The following NCOA1 variants were observed in gnomAD, a reference collection of about 807,000 sequenced individuals.
NCOA1 encodes Hin-2 protein.
In NCOA1, 35 loss-of-function variants were observed where a neutral mutation model predicts 150.9. The ratio of observed to expected loss-of-function variants is 0.23; its 90% confidence interval spans 0.18 to 0.31. The LOEUF (loss-of-function observed/expected upper bound fraction) is 0.31. NCOA1 is among the 10% of genes least tolerant of loss of function. The pLI is 1.00. For synonymous variants in NCOA1, 590 were observed against 630.0 expected (o/e 0.94, Z 0.95); for missense variants, 1,491 against 1,749.3 (o/e 0.85, Z 2.63).
chr2:24,570,346 T>C (rs1450757540), intron 2 of NCOA1, among the ~76,000 whole-genome samples: 5 of 152,210 alleles, frequency 3.3e-5, no homozygotes, highest in Non-Finnish European at 7.3e-5. Context: ...AGGTGCTTAA[T>C]TGAATGGGCT....
intron 14 of NCOA1, among the ~76,000 whole-genome samples, chr2:24,722,449 C>T (rs1674400801): frequency 6.6e-6 from 1 of 152,082 alleles, no homozygotes; most frequent in Non-Finnish European, 1.5e-5. Flanking sequence ...TTGAAAATTT[C>T]CAGTCATGTG....
chr2:24,739,388 G>T (rs766301830), intron 17 of NCOA1, 44 bp from the exon 18 acceptor site: 24 of 1,376,240 alleles, frequency 1.7e-5, no homozygotes, highest in Non-Finnish European at 2.2e-5. Context: ...CCCGTGTTAT[G>T]CTTGTGTGTA....
chr2:24,637,909 T>G (rs1225466076), intron 3 of NCOA1, among the ~76,000 whole-genome samples: 2 of 152,138 alleles, frequency 1.3e-5, no homozygotes, highest in Non-Finnish European at 2.9e-5. Context: ...TTGGTCAGGC[T>G]GGTCTTGAAC....
At position 24,706,907 on chromosome 2, in the gene NCOA1, A is replaced by G. The variant is rs767139900; in HGVS notation, c.1437A>G (p.Thr479=). Residue 479 remains threonine, a synonymous_variant, in exon 13 of 23, where the codon ACA becomes ACG. Transcript: ENST00000348332. ...LNLNNSPMEG[T]GISLAQFMSP... ...TCAATAATTCTCCTATGGAAGGTAC[A>G]GGAATATCCCTAGCACAGTTCATGT... 8 of 1,614,222 alleles carry G rather than the reference A, an allele frequency of 5.0e-6. No homozygotes were observed. The South Asian group carries it at 5.5e-5, about 11-fold the overall frequency.
chr2:24,522,003 C>T (rs1664435735), intron 1 of NCOA1, among the ~76,000 whole-genome samples: 1 of 152,142 alleles, frequency 6.6e-6, no homozygotes, highest in Admixed American at 6.5e-5. Flanking sequence ...CCCCGCCCCC[C>T]ATACATAGTA....
chr2:24,639,722 A>T (rs1670092523), intron 3 of NCOA1, among the ~76,000 whole-genome samples: 1 of 151,362 alleles, frequency 6.6e-6, no homozygotes, highest in Non-Finnish European at 1.5e-5. Flanking sequence ...CCCCATCTCT[A>T]CTAAAAATAC....
intron 14 of NCOA1, among the ~76,000 whole-genome samples, chr2:24,718,687 T>C (rs2148619496): frequency 7.4e-6 from 1 of 135,860 alleles, no homozygotes; most frequent in South Asian, 2.3e-4. Context: ...AATACAAAAC[T>C]AGGCTAACAT....
chr2:24,629,813 C>CATATAT (rs1356211925), intron 3 of NCOA1, among the ~76,000 whole-genome samples: 4,345 of 76,676 alleles, frequency 0.057, 149 homozygotes, highest in Admixed American at 0.099. Context: ...AAGTAACATA[C>CATATAT]ATACATATAT....
chr2:24,509,205 A>G lies in NCOA1; in HGVS notation c.-396+17603A>G, dbSNP rs150761782. ...ATTGTGTAATCTAATCTTTATAACA[A>G]TCCTGTAAGCCAGACATTATCATAT... On this transcript the variant is annotated intron_variant, in intron 1 of 22. Coordinates refer to ENST00000348332, the MANE Select transcript of NCOA1 (RefSeq NM_003743.5). 4.5e-3 allele frequency among the ~76,000 whole-genome samples: 682 copies of G among 152,328 alleles called. 3 individuals carry two copies. Among genetic ancestry groups the G allele is most frequent in the African/African-American group, 0.015 (638 of 41,572 alleles).
chr2:24,493,720 T>A (rs527515211), intron 1 of NCOA1, among the ~76,000 whole-genome samples: 3 of 152,336 alleles, frequency 2.0e-5, no homozygotes, highest in African/African-American at 7.2e-5. Context: ...TCTCCCTCAA[T>A]TCCAGGGTTT....
chr2:24,644,648 A>C (rs1670381020), intron 4 of NCOA1, among the ~76,000 whole-genome samples: 1 of 152,138 alleles, frequency 6.6e-6, no homozygotes, highest in East Asian at 1.9e-4. Flanking sequence ...CCGTGAACAT[A>C]CTAATGGGAG....
At chr2:24,582,171 C>T (rs1667218510) in intron 2 of NCOA1, among the ~76,000 whole-genome samples, 1 of 152,180 alleles carries the variant, frequency 6.6e-6, no homozygotes, top group African/African-American at 2.4e-5. Flanking sequence ...CAAATTGTCT[C>T]TGTTTGCAGA....
intron 21 of NCOA1, among the ~76,000 whole-genome samples, 176 bp from the exon 22 acceptor site, chr2:24,762,511 C>G (rs138881291): frequency 1.3e-4 from 20 of 152,354 alleles, no homozygotes; most frequent in Admixed American, 3.9e-4. Context: ...TACACACTCA[C>G]TACCCCACAA....
chr2:24,763,545 A>C (rs2148702131), intron 22 of NCOA1, among the ~76,000 whole-genome samples: 2 of 151,432 alleles, frequency 1.3e-5, no homozygotes, highest in South Asian at 4.2e-4. Context: ...CTCAAAAAAA[A>C]AAAAAAAAAA....
intron 3 of NCOA1, among the ~76,000 whole-genome samples, chr2:24,610,156 T>C (rs1668557769): frequency 7.6e-6 from 1 of 131,000 alleles, no homozygotes; most frequent in Admixed American, 8.7e-5. Context: ...TGAGACAGAG[T>C]CTCTGTCGCT....
intron 11 of NCOA1, among the ~76,000 whole-genome samples, chr2:24,700,098 G>A (rs961417173): frequency 6.6e-6 from 1 of 151,374 alleles, no homozygotes; most frequent in South Asian, 2.1e-4. Flanking sequence ...AGCCAAGGTC[G>A]CACCATTGCA....
At chr2:24,734,053 C>T (rs1663161156) in intron 17 of NCOA1, among the ~76,000 whole-genome samples, 1 of 150,552 alleles carries the variant, frequency 6.6e-6, no homozygotes. Context: ...GGTGTGGTGG[C>T]GTGTTCCCAG....
intron 3 of NCOA1, among the ~76,000 whole-genome samples, chr2:24,609,592 T>C (rs560072234): frequency 1.1e-4 from 17 of 152,284 alleles, no homozygotes; most frequent in Non-Finnish European, 2.2e-4. Flanking sequence ...GAATAGCCAC[T>C]GCACCTCCAG....
At chr2:24,533,492 G>C (rs1254710529) in intron 1 of NCOA1, among the ~76,000 whole-genome samples, 3 of 152,148 alleles carry the variant, frequency 2.0e-5, no homozygotes, top group Admixed American at 2.0e-4. Context: ...TGTAGAATAG[G>C]AATGGTGAGA....
Sources: gnomAD v4.1 joint callset for allele counts (sites outside exome capture counted in the v4.1 genomes callset) on GRCh38, gnomAD v4.1.1 for gene constraint, MANE v1.5 for transcripts, NCBI Gene and HGNC (gene_info 2026-07-23, HGNC 2026-07-21) for gene names.